ATE1: variants seen among roughly 807,000 people sequenced by gnomAD.
ATE1 encodes arginyltransferase 1.
Under a neutral mutation model 70.5 loss-of-function variants are expected in ATE1, and 36 were observed. The observed-to-expected ratio is 0.51, with a 90% CI of 0.39 to 0.67. ATE1 has a LOEUF of 0.67. Among genes scored for constraint, ATE1 ranks in the 30% least tolerant of loss-of-function variants. The pLI, the probability that ATE1 is intolerant of heterozygous loss-of-function variation, is 0.00. For synonymous variants in ATE1, 232 were observed against 219.3 expected (o/e 1.06, Z -0.51); for missense variants, 593 against 629.5 (o/e 0.94, Z 0.62).
At chr10:121,841,388 C>A in intron 8 of ATE1, 125 bp from the exon 9 acceptor site, 1 of 628,314 alleles carries the variant, frequency 1.6e-6, no homozygotes, top group Non-Finnish European at 2.3e-6. Context: ...CCATCATCAT[C>A]CCTAGTCACA....
intron 3 of ATE1, among the ~76,000 whole-genome samples, chr10:121,918,841 A>C (rs1045738234): frequency 1.3e-5 from 2 of 152,120 alleles, no homozygotes; most frequent in Non-Finnish European, 2.9e-5. Flanking sequence ...AACTTTTCTT[A>C]CAAGAGGATT....
At chr10:121,898,760 C>T in intron 7 of ATE1, 3 of 1,518,354 alleles carry the variant, frequency 2.0e-6, no homozygotes, top group Middle Eastern at 1.8e-4. Flanking sequence ...GGGTCATCAG[C>T]TCCACCTGAC....
chr10:121,867,305 C>G (rs758297774), intron 8 of ATE1, among the ~76,000 whole-genome samples: 4 of 152,114 alleles, frequency 2.6e-5, no homozygotes, highest in Non-Finnish European at 4.4e-5. Flanking sequence ...TGAGTAGTAG[C>G]CTTAAATTGC....
rs565818319 is a variant in ATE1 at position 121,911,956 on chromosome 10, C to T, written c.338-805G>A. On this transcript the variant is annotated intron_variant, in intron 4 of 11. Coordinates refer to ENST00000224652, the MANE Select transcript of ATE1 (RefSeq NM_001001976.3). ...ACAGACGGGATTTCACTGTGTTAGC[C>T]GGGATGGTCTCGATCTCCTGACCTC... Among the ~76,000 whole-genome samples, 5 of 152,158 alleles carry T rather than the reference C, an allele frequency of 3.3e-5. No individual in the cohort carries two copies. In the East Asian group the frequency reaches 5.8e-4, roughly 18 times the overall value.
chr10:121,847,557 A>C (rs893201291), intron 8 of ATE1, among the ~76,000 whole-genome samples: 1 of 151,922 alleles, frequency 6.6e-6, no homozygotes, highest in Non-Finnish European at 1.5e-5. Context: ...CAGGAGATCA[A>C]GATCATCCTG....
At chr10:121,901,235 C>A (rs1276538833) in intron 6 of ATE1, among the ~76,000 whole-genome samples, 1 of 151,942 alleles carries the variant, frequency 6.6e-6, no homozygotes, top group Non-Finnish European at 1.5e-5. Flanking sequence ...CCATTGCACT[C>A]CAGCCTAGGC....
intron 10 of ATE1, among the ~76,000 whole-genome samples, chr10:121,816,204 A>C (rs1036407337): frequency 3.3e-5 from 5 of 152,200 alleles, no homozygotes; most frequent in Non-Finnish European, 5.9e-5. Flanking sequence ...CCCTAGAAAA[A>C]TTATTTTATA....
At chr10:121,789,056 A>G (rs921666626) in intron 11 of ATE1, among the ~76,000 whole-genome samples, 3 of 152,208 alleles carry the variant, frequency 2.0e-5, no homozygotes, top group African/African-American at 7.2e-5. Flanking sequence ...CCTGTGGCAT[A>G]TATAGGATGC....
rs556895552 is a variant in ATE1 at position 121,821,099 on chromosome 10, G to A, written c.1257+15619C>T. 1.8e-3 allele frequency among the ~76,000 whole-genome samples: 269 copies of A among 152,206 alleles called. 4 individuals carry two copies. The highest frequency in any genetic ancestry group is 3.1e-3 in the South Asian group (15 of 4,814). ...TGGGACTACAGGCGCCCACCACCAC[G>A]CCTGGCTAATTTCTTTTTGTATCGT... On this transcript the variant is annotated intron_variant, in intron 10 of 11. Coordinates refer to ENST00000224652, the MANE Select transcript of ATE1 (RefSeq NM_001001976.3).
intron 11 of ATE1, among the ~76,000 whole-genome samples, chr10:121,781,262 G>A (rs750297111): frequency 2.0e-5 from 3 of 152,046 alleles, no homozygotes; most frequent in African/African-American, 7.2e-5. Context: ...CTATGGTGCC[G>A]TCCTGTAAAG....
At chr10:121,837,998 T>C (rs1948491533) in intron 9 of ATE1, among the ~76,000 whole-genome samples, 1 of 152,114 alleles carries the variant, frequency 6.6e-6, no homozygotes. Flanking sequence ...CATCCCAATG[T>C]CCAATCCATC....
chr10:121,913,964 A>C, intron 3 of ATE1, 71 bp from the exon 4 acceptor site: 8 of 1,176,058 alleles, frequency 6.8e-6, no homozygotes, highest in Non-Finnish European at 7.3e-6. Context: ...TCTGGATATC[A>C]CCTAGTACAA....
chr10:121,822,151 G>A (rs1007984443), intron 10 of ATE1, among the ~76,000 whole-genome samples: 1 of 152,142 alleles, frequency 6.6e-6, no homozygotes, highest in African/African-American at 2.4e-5. Context: ...TCCATCTACA[G>A]TAGAATGGGT....
intron 7 of ATE1, among the ~76,000 whole-genome samples, chr10:121,895,230 C>T (rs553015883): frequency 5.4e-4 from 82 of 152,256 alleles, no homozygotes; most frequent in African/African-American, 1.9e-3. Flanking sequence ...TCCACGCGTA[C>T]GTATACACCC....
At chr10:121,817,060 TTTCA>T (rs1177489720) in intron 10 of ATE1, among the ~76,000 whole-genome samples, 1 of 152,138 alleles carries the variant, frequency 6.6e-6, no homozygotes, top group Non-Finnish European at 1.5e-5. Flanking sequence ...TAAACTTATC[TTTCA>T]TTAATATTGC....
chr10:121,790,422 T>C (rs1193240661), intron 10 of ATE1, 133 bp from the exon 11 acceptor site: 7 of 1,143,904 alleles, frequency 6.1e-6, no homozygotes, highest in Non-Finnish European at 4.7e-6. Flanking sequence ...CTGTAAATAC[T>C]AAGCAACCCT....
intron 11 of ATE1, among the ~76,000 whole-genome samples, chr10:121,777,482 C>T (rs1444887712): frequency 2.0e-5 from 3 of 148,450 alleles, no homozygotes; most frequent in Non-Finnish European, 2.9e-5. Context: ...AAGGACAGAC[C>T]GTAAGAGCTA....
intron 10 of ATE1, among the ~76,000 whole-genome samples, chr10:121,801,975 T>C (rs558926532): frequency 6.6e-6 from 1 of 151,350 alleles, no homozygotes; most frequent in African/African-American, 2.4e-5. Context: ...TTAGTTACAG[T>C]TGATGAGAAA....
intron 7 of ATE1, among the ~76,000 whole-genome samples, chr10:121,871,915 T>C (rs1021809417): frequency 6.6e-6 from 1 of 152,328 alleles, no homozygotes; most frequent in Admixed American, 6.5e-5. Context: ...AAATTTAAAA[T>C]GCAAGCTTTG....
Sources: gnomAD v4.1 joint callset for allele counts (sites outside exome capture counted in the v4.1 genomes callset) on GRCh38, gnomAD v4.1.1 for gene constraint, MANE v1.5 for transcripts, NCBI Gene and HGNC (gene_info 2026-07-23, HGNC 2026-07-21) for gene names.